TULP4: variants seen among roughly 807,000 people sequenced by gnomAD.
TULP4 encodes tubby-related protein 4.
Under a neutral mutation model 129.0 loss-of-function variants are expected in TULP4, and 16 were observed. The ratio of observed to expected loss-of-function variants is 0.12; its 90% confidence interval spans 0.08 to 0.19. The LOEUF is 0.19. Among genes scored for constraint, TULP4 ranks in the 10% least tolerant of loss-of-function variants. TULP4 has a pLI of 1.00. For synonymous variants in TULP4, 998 were observed against 854.0 expected, an observed-to-expected ratio of 1.17 and a Z score of -2.94; for missense variants, 1,842 against 2,059.1, an observed-to-expected ratio of 0.89 and a Z score of 2.04.
chr6:158,502,113 C>T lies in TULP4; in HGVS notation c.2450C>T (p.Ala817Val), dbSNP rs1780461866. Residue 817 changes from alanine to valine, a missense_variant, in exon 13 of 14, where the codon GCA becomes GTA. By Grantham distance (64) the Ala-to-Val change is moderately conservative. Coordinates refer to ENST00000367097, the MANE Select transcript of TULP4 (RefSeq NM_020245.5). Reference protein sequence around the residue: ...PTPQLAAEGDAVVFSAPQEVQ... With the variant: ...PTPQLAAEGDVVVFSAPQEVQ... ...CCGCAGCTGGCAGCTGAGGGGGACG[C>T]AGTGGTCTTTAGTGCCCCCCAGGAG... is the stretch of plus-strand genomic sequence containing the variant. 2.5e-6 allele frequency: 4 copies of T among 1,609,756 alleles called. No homozygotes were observed.
At chr6:158,267,354 ACT>A (rs1427729253) in intron 1 of TULP4, among the ~76,000 whole-genome samples, 3 of 152,248 alleles carry the variant, frequency 2.0e-5, no homozygotes, top group Non-Finnish European at 4.4e-5. Context: ...CTCAAAGAAT[ACT>A]GAAGTTGATA....
intron 1 of TULP4, among the ~76,000 whole-genome samples, chr6:158,305,324 CGTGTGTGTGTGTGT>C (rs34836137): frequency 1.6e-4 from 22 of 141,848 alleles, no homozygotes; most frequent in South Asian, 4.7e-4. Context: ...ATTCTGTGTG[CGTGTGTGTGTGTGT>C]GTGTGTGTGT....
Position 158,481,117 on chromosome 6 carries a change from G to A in TULP4, c.1314G>A (p.Glu438=). The change falls in exon 8 of 14, where the codon GAG becomes GAA. Residue 438 remains glutamate, a synonymous_variant. Transcript: ENST00000367097. ...DFVSYPSAGN[E]RLHCTMKRTE... ...TCAGCTACCCATCAGCCGGCAACGA[G>A]CGGCTGCACTGCACCATGAAGCGCA... The A allele has an allele frequency of 1.2e-6, 2 of 1,602,156 alleles. No individual in the cohort carries two copies. Among genetic ancestry groups the A allele is most frequent in the Non-Finnish European group, 1.7e-6 (2 of 1,170,406 alleles).
In TULP4 at chr6:158,328,079, G is replaced by GGTGTGTGTGTGTGTGTGT. The variant is rs766393090; in HGVS notation, c.252+13843_252+13860dup. ...TCCTGTTGCCAGCATTCTCAGAGCT[G>GGTGTGTGTGTGTGTGTGT]GTGTGTGTGTGTGTGTGTGTGTGTG... is the stretch of plus-strand genomic sequence containing the variant. On this transcript the variant is annotated intron_variant, in intron 1 of 13. Transcript: ENST00000367097. Among the ~76,000 whole-genome samples the GGTGTGTGTGTGTGTGTGT allele has an allele frequency of 1.7e-4, 21 of 120,580 alleles. 2 individuals carry two copies. The East Asian group carries it at 4.2e-3, about 24-fold the overall frequency. The allele number at this position is 120,580 out of a possible 152,430, so 79.1% of individuals were successfully genotyped here.
intron 1 of TULP4, among the ~76,000 whole-genome samples, chr6:158,370,006 A>G (rs1016580360): frequency 7.3e-5 from 11 of 151,234 alleles, no homozygotes; most frequent in Non-Finnish European, 1.3e-4. Flanking sequence ...CATGGTCTCA[A>G]ACTAGGGCAG....
intron 2 of TULP4, among the ~76,000 whole-genome samples, chr6:158,418,131 C>A: frequency 6.9e-6 from 1 of 144,532 alleles, no homozygotes; most frequent in Non-Finnish European, 1.5e-5. Context: ...GCGGGGGAGA[C>A]AGGGTCTCTC....
chr6:158,307,361 A>G lies in TULP4; in HGVS notation n.117-4690A>G, dbSNP rs534336165. ...ATGGATGTTTTTCTTTGATAACCACACTAAAATTCAACAAGTGGTAGTTTC... is the reference window on the plus strand; with the variant it reads ...ATGGATGTTTTTCTTTGATAACCACGCTAAAATTCAACAAGTGGTAGTTTC... On this transcript the variant is annotated intron_variant and non_coding_transcript_variant, in intron 1 of 1. Transcript: ENST00000432358. Among the ~76,000 whole-genome samples the G allele has an allele frequency of 2.0e-5, 3 of 152,378 alleles. No individual in the cohort carries two copies. In the South Asian group the frequency reaches 6.2e-4, roughly 32 times the overall value.
intron 1 of TULP4, among the ~76,000 whole-genome samples, chr6:158,252,421 G>A (rs2128452760): frequency 6.6e-6 from 1 of 151,780 alleles, no homozygotes; most frequent in African/African-American, 2.4e-5. Context: ...TGTCACCCAG[G>A]CTGGAGTGCA....
At chr6:158,274,977 G>A (rs1280435912) in intron 1 of TULP4, among the ~76,000 whole-genome samples, 6 of 152,154 alleles carry the variant, frequency 3.9e-5, no homozygotes, top group Non-Finnish European at 8.8e-5. Context: ...TGTTCTCTCT[G>A]TTAGAATGTA....
chr6:158,266,906 T>C (rs1778457785), intron 1 of TULP4, among the ~76,000 whole-genome samples: 1 of 152,164 alleles, frequency 6.6e-6, no homozygotes, highest in South Asian at 2.1e-4. Flanking sequence ...TCGCTATCCA[T>C]CTCCAGAACT....
chr6:158,428,475 A>G (rs1218792336), intron 2 of TULP4: 1 of 152,252 alleles, frequency 6.6e-6, no homozygotes, highest in Admixed American at 6.5e-5. Context: ...TCTGGTAGGT[A>G]TGCAAGAATA....
At chr6:158,392,069 A>G (rs182251860) in intron 1 of TULP4, among the ~76,000 whole-genome samples, 1 of 152,234 alleles carries the variant, frequency 6.6e-6, no homozygotes, top group Non-Finnish European at 1.5e-5. Flanking sequence ...GGCAGTTTAC[A>G]AAAGAAAGGT....
chr6:158,308,390 C>T (rs1315985658), upstream of TULP4, among the ~76,000 whole-genome samples: 4 of 151,844 alleles, frequency 2.6e-5, no homozygotes. Context: ...AAAAGTTTCC[C>T]ATGTCTACTT....
chr6:158,256,101 T>C (rs969616565), intron 1 of TULP4, among the ~76,000 whole-genome samples: 4 of 152,288 alleles, frequency 2.6e-5, no homozygotes, highest in East Asian at 1.9e-4. Flanking sequence ...CTACTCCTCC[T>C]GAAGAACACC....
At chr6:158,232,963 T>C (rs62437126) in intron 1 of TULP4, among the ~76,000 whole-genome samples, 62,468 of 152,194 alleles carry the variant, frequency 0.41, 13,141 homozygotes, top group East Asian at 0.54. Context: ...GGAGATTCTG[T>C]TCCGAGCACC....
At chr6:158,505,656 G>A (rs979805028) in intron 13 of TULP4, among the ~76,000 whole-genome samples, 32 of 152,218 alleles carry the variant, frequency 2.1e-4, no homozygotes, top group Non-Finnish European at 3.4e-4. Context: ...AGGGCATGGC[G>A]TCACTGTCTG....
rs1778140702 is a variant in TULP4, at chr6:158,413,459, AT to A, written c.381+272del. Among the ~76,000 whole-genome samples the A allele has an allele frequency of 6.6e-6, 1 of 152,158 alleles. No homozygotes were observed. Among genetic ancestry groups the A allele is most frequent in the Admixed American group, 6.5e-5 (1 of 15,272 alleles). Reference sequence around the variant, plus strand: ...AAACTTTAATCAGATCTGTGAAGTCATTTTTTACCCTTCAGTGTTGTGATTC... The same window carrying A: ...AAACTTTAATCAGATCTGTGAAGTCATTTTTACCCTTCAGTGTTGTGATTC... On this transcript the variant is annotated intron_variant, in intron 2 of 13. Transcript: ENST00000367097. The surrounding 1 kb of genome is among the most constrained non-coding windows in gnomAD (Gnocchi z 4.9).
chr6:158,396,339 C>T (rs149395563), intron 1 of TULP4, among the ~76,000 whole-genome samples: 3 of 152,224 alleles, frequency 2.0e-5, no homozygotes, highest in South Asian at 2.1e-4. Context: ...ATCACCCTTG[C>T]GTAAAAGCAA....
upstream of TULP4, among the ~76,000 whole-genome samples, chr6:158,310,059 T>C (rs2128481300): frequency 6.6e-6 from 1 of 152,290 alleles, no homozygotes; most frequent in Admixed American, 6.5e-5. Context: ...GGAACAACCA[T>C]AATTTGTCAT....
Sources: gnomAD v4.1 joint callset for allele counts (sites outside exome capture counted in the v4.1 genomes callset) on GRCh38, gnomAD v4.1.1 for gene constraint, Gnocchi (gnomAD v3.1) non-coding constraint, MANE v1.5 for transcripts, NCBI Gene and HGNC (gene_info 2026-07-23, HGNC 2026-07-21) for gene names.